GALNT18: variants seen among roughly 807,000 people sequenced by gnomAD.
The protein encoded by GALNT18 is polypeptide N-acetylgalactosaminyltransferase 18, also known as GalNAc-transferase 18.
A neutral mutation model predicts 69.5 loss-of-function variants in GALNT18; 44 were observed. That is an observed-to-expected ratio of 0.63 (90% CI 0.50 to 0.81). The LOEUF is 0.81. Ranked by LOEUF, GALNT18 falls within the 40% of genes least tolerant of loss-of-function variation. The pLI, the probability that GALNT18 is intolerant of heterozygous loss-of-function variation, is 0.00. For synonymous variants in GALNT18, 364 were observed against 318.2 expected, an observed-to-expected ratio of 1.14 and a Z score of -1.53; for missense variants, 715 against 810.0, an observed-to-expected ratio of 0.88 and a Z score of 1.42.
At chr11:11,325,123 C>T (rs143851573) in intron 9 of GALNT18, among the ~76,000 whole-genome samples, 47 of 152,198 alleles carry the variant, frequency 3.1e-4, no homozygotes, top group African/African-American at 8.2e-4. Context: ...CATCAGCCAA[C>T]GAGTGGATAA....
At chr11:11,550,122 C>T (rs1858154660) in intron 1 of GALNT18, among the ~76,000 whole-genome samples, 4 of 152,200 alleles carry the variant, frequency 2.6e-5, no homozygotes, top group African/African-American at 9.7e-5. Flanking sequence ...CCAATGCATC[C>T]AGTAGGCAAG....
chr11:11,350,132 A>G (rs1434930484), intron 6 of GALNT18, among the ~76,000 whole-genome samples: 1 of 152,242 alleles, frequency 6.6e-6, no homozygotes, highest in Admixed American at 6.5e-5. Context: ...CCATGAAGAA[A>G]AACTTAAAAG....
Position 11,541,408 on chromosome 11 carries a change from C to G in GALNT18, c.235+79951G>C, listed in dbSNP as rs534672884. Among the ~76,000 whole-genome samples the G allele has an allele frequency of 6.6e-6, 1 of 152,274 alleles. No homozygotes were observed. The highest frequency in any genetic ancestry group is 1.5e-5 in the Non-Finnish European group (1 of 68,020). On this transcript the variant is annotated intron_variant, in intron 1 of 10. Coordinates refer to ENST00000227756, the MANE Select transcript of GALNT18 (RefSeq NM_198516.3). The surrounding 1 kb of genome is among the most constrained non-coding windows in gnomAD (Gnocchi z 4.8). Reference sequence around the variant, plus strand: ...CTCTCCCTGGCTCTTCAAGTGGTCTCCCAGCCAGTCTCCCTGCCTTCAGCC... The same window carrying G: ...CTCTCCCTGGCTCTTCAAGTGGTCTGCCAGCCAGTCTCCCTGCCTTCAGCC...
chr11:11,562,645 G>A lies in GALNT18; in HGVS notation c.235+58714C>T, dbSNP rs1224173856. On this transcript the variant is annotated intron_variant, in intron 1 of 10. Coordinates refer to ENST00000227756, the MANE Select transcript of GALNT18 (RefSeq NM_198516.3). The surrounding 1 kb of genome is among the most constrained non-coding windows in gnomAD (Gnocchi z 4.1). Reference sequence around the variant, plus strand: ...CACAATTTCAAGGCCCCACATGGACGTCTGCAAATAGCAAAGCAAGTCAGC... The same window carrying A: ...CACAATTTCAAGGCCCCACATGGACATCTGCAAATAGCAAAGCAAGTCAGC... Among the ~76,000 whole-genome samples, 3 of 152,126 alleles carry A rather than the reference G, an allele frequency of 2.0e-5. No homozygotes were observed. Among genetic ancestry groups the A allele is most frequent in the Non-Finnish European group, 4.4e-5 (3 of 68,030 alleles).
chr11:11,405,246 G>A (rs147450037), intron 3 of GALNT18, among the ~76,000 whole-genome samples: 2 of 152,134 alleles, frequency 1.3e-5, no homozygotes, highest in Non-Finnish European at 2.9e-5. Context: ...CTTAGTTTTA[G>A]ATTTCTAGGC....
At position 11,540,498 on chromosome 11, in the gene GALNT18, C is replaced by A. The variant is rs1857890653; in HGVS notation, c.235+80861G>T. The stretch of plus-strand genomic sequence containing the variant: ...TGTTCCTCATTTCATGACCAAGTTT[C>A]ATTAGAAACTTTGGAATCACGGCAA... On this transcript the variant is annotated intron_variant, in intron 1 of 10. Coordinates refer to ENST00000227756, the MANE Select transcript of GALNT18 (RefSeq NM_198516.3). This position sits in a 1 kb window ranked among gnomAD's most constrained non-coding sequence, Gnocchi z 4.6. 6.6e-6 allele frequency among the ~76,000 whole-genome samples: 1 copy of A among 152,102 alleles called. No homozygotes were observed. Among genetic ancestry groups the A allele is most frequent in the Non-Finnish European group, 1.5e-5 (1 of 68,028 alleles).
chr11:11,359,630 T>G (rs932899231), intron 6 of GALNT18, among the ~76,000 whole-genome samples: 41 of 152,188 alleles, frequency 2.7e-4, no homozygotes, highest in Non-Finnish European at 4.9e-4. Flanking sequence ...GAGGACATTG[T>G]GTAGTATCAT....
chr11:11,420,352 A>AT (rs1349320776), intron 3 of GALNT18, among the ~76,000 whole-genome samples: 1 of 152,160 alleles, frequency 6.6e-6, no homozygotes, highest in Non-Finnish European at 1.5e-5. Context: ...CCGAAAGATA[A>AT]TTATGCAGGA....
chr11:11,424,405 C>T (rs1027218245), intron 3 of GALNT18, among the ~76,000 whole-genome samples: 7 of 152,200 alleles, frequency 4.6e-5, no homozygotes, highest in Non-Finnish European at 8.8e-5. Context: ...CACTTCCTGG[C>T]TATGTGGCCT....
In GALNT18 at chr11:11,541,799, C is replaced by T. The variant is rs1044385654; in HGVS notation, c.235+79560G>A. 2.0e-5 allele frequency among the ~76,000 whole-genome samples: 3 copies of T among 152,206 alleles called. No individual in the cohort carries two copies. The highest frequency in any genetic ancestry group is 3.9e-4 in the East Asian group (2 of 5,192). On this transcript the variant is annotated intron_variant, in intron 1 of 10. Transcript: ENST00000227756. This position sits in a 1 kb window ranked among gnomAD's most constrained non-coding sequence, Gnocchi z 4.8. ...GACTACCCTCTCCTGGAACTTTCCA[C>T]GTGAGCCTAGGGCACAAGCCAAGCC...
rs534942353 is a variant in GALNT18, at chr11:11,332,892, T to A, written c.1279-61A>T. The stretch of plus-strand genomic sequence containing the variant: ...CCCAGGTTGCAGCTTCTCCCCAAAC[T>A]CTACTTTGGCATGACCTTGTGCCCC... On this transcript the variant is annotated intron_variant, in intron 7 of 10. Transcript: ENST00000227756. The surrounding 1 kb of genome is among the most constrained non-coding windows in gnomAD (Gnocchi z 4.3). The A allele has an allele frequency of 8.8e-6, 14 of 1,586,316 alleles. No individual in the cohort carries two copies. The African/African-American group carries it at 1.5e-4, about 17-fold the overall frequency.
At chr11:11,342,842 C>T (rs1018967624) in intron 6 of GALNT18, among the ~76,000 whole-genome samples, 2 of 152,196 alleles carry the variant, frequency 1.3e-5, no homozygotes, top group Non-Finnish European at 2.9e-5. Flanking sequence ...CTGTTTCCTC[C>T]TCTCCATGGG....
chr11:11,534,078 C>T (rs1857718667), intron 1 of GALNT18, among the ~76,000 whole-genome samples: 1 of 152,252 alleles, frequency 6.6e-6, no homozygotes, highest in Non-Finnish European at 1.5e-5. Context: ...GAAACTGAGG[C>T]TTATAGAGGT....
rs567395741 is a variant in GALNT18, at chr11:11,543,446, G to A, written c.235+77913C>T. Among the ~76,000 whole-genome samples the A allele has an allele frequency of 1.1e-4, 17 of 152,254 alleles. No homozygotes were observed. The highest frequency in any genetic ancestry group is 6.2e-4 in the South Asian group (3 of 4,814). On this transcript the variant is annotated intron_variant, in intron 1 of 10. Transcript: ENST00000227756. The surrounding 1 kb of genome is among the most constrained non-coding windows in gnomAD (Gnocchi z 5.1). ...CTGGATATGCCACCCATTTTAGGTC[G>A]GGGATGTCCCTTCTCTGCTACCCTG...
intron 9 of GALNT18, among the ~76,000 whole-genome samples, chr11:11,305,675 G>A (rs146631205): frequency 4.6e-5 from 7 of 152,262 alleles, no homozygotes; most frequent in Middle Eastern, 3.4e-3. Flanking sequence ...CAACCTCCGA[G>A]GATGTTGGCA....
intron 6 of GALNT18, chr11:11,352,164 A>G: frequency 6.2e-7 from 1 of 1,613,528 alleles, no homozygotes; most frequent in Non-Finnish European, 8.5e-7. Context: ...GGGGTGCTCC[A>G]TGGCCTCTCT....
rs1858049697 is a variant in GALNT18, at chr11:11,546,205, G to A, written c.235+75154C>T. ...CTACCCTTGAGCCACATCATAGTTG[G>A]AAGATAGGGTACACAGGGAGGAGAC... On this transcript the variant is annotated intron_variant, in intron 1 of 10. Transcript: ENST00000227756. The surrounding 1 kb of genome is among the most constrained non-coding windows in gnomAD (Gnocchi z 5.8). 1.3e-5 allele frequency among the ~76,000 whole-genome samples: 2 copies of A among 152,100 alleles called. No individual in the cohort carries two copies. The highest frequency in any genetic ancestry group is 2.1e-4 in the South Asian group (1 of 4,822).
chr11:11,290,245 C>T (rs977916969), intron 10 of GALNT18, among the ~76,000 whole-genome samples: 5 of 152,154 alleles, frequency 3.3e-5, no homozygotes, highest in African/African-American at 1.2e-4. Flanking sequence ...ATGAAGACCC[C>T]GGGGTCATGG....
In GALNT18 at chr11:11,618,650, T is replaced by C. The variant is rs567867348; in HGVS notation, c.235+2709A>G. On this transcript the variant is annotated intron_variant, in intron 1 of 10. Transcript: ENST00000227756. This position sits in a 1 kb window ranked among gnomAD's most constrained non-coding sequence, Gnocchi z 6.1. ...TAGCTGAGCTTACATCCCTATACTA[T>C]CATATACCAGTGTGTGACCCTGGAC... Among the ~76,000 whole-genome samples, 161 of 152,304 alleles carry C rather than the reference T, an allele frequency of 1.1e-3. No homozygotes were observed. The highest frequency in any genetic ancestry group is 3.8e-3 in the African/African-American group (156 of 41,554).
Sources: gnomAD v4.1 joint callset for allele counts (sites outside exome capture counted in the v4.1 genomes callset) on GRCh38, gnomAD v4.1.1 for gene constraint, Gnocchi (gnomAD v3.1) non-coding constraint, MANE v1.5 for transcripts, NCBI Gene and HGNC (gene_info 2026-07-23, HGNC 2026-07-21) for gene names.